ANO3: variants seen among roughly 807,000 people sequenced by gnomAD.
The protein encoded by ANO3 is anoctamin-3.
Under a neutral mutation model 144.8 loss-of-function variants are expected in ANO3, and 99 were observed. The observed-to-expected ratio is 0.68, with a 90% CI of 0.58 to 0.81. The LOEUF (loss-of-function observed/expected upper bound fraction) is 0.81. ANO3 is among the 30% of genes least tolerant of loss of function. ANO3 has a pLI of 0.00. For synonymous variants in ANO3, 414 were observed against 392.6 expected, an observed-to-expected ratio of 1.05 and a Z score of -0.64; for missense variants, 905 against 1,202.2, an observed-to-expected ratio of 0.75 and a Z score of 3.66.
chr11:26,521,321 A>T (rs1483409275), intron 6 of ANO3, among the ~76,000 whole-genome samples: 2 of 152,200 alleles, frequency 1.3e-5, no homozygotes, highest in Non-Finnish European at 2.9e-5. Context: ...TTTTACTCAT[A>T]CAGAGCAGTT....
chr11:26,456,419 T>C (rs1859162768), intron 3 of ANO3, among the ~76,000 whole-genome samples: 1 of 152,000 alleles, frequency 6.6e-6, no homozygotes, highest in Admixed American at 6.5e-5. Flanking sequence ...GCGAAGGACA[T>C]GAACAGACAC....
At chr11:26,237,728 C>A (rs994087559) in intron 1 of ANO3, among the ~76,000 whole-genome samples, 10 of 151,866 alleles carry the variant, frequency 6.6e-5, no homozygotes, top group Admixed American at 1.3e-4. Context: ...TTTTTGTAAA[C>A]TAAAAATACT....
At chr11:26,338,594 C>T (rs1855258420) in intron 1 of ANO3, among the ~76,000 whole-genome samples, 1 of 152,298 alleles carries the variant, frequency 6.6e-6, no homozygotes, top group South Asian at 2.1e-4. Flanking sequence ...TATAATAAAT[C>T]TTGCTGCTGC....
chr11:26,381,789 CAG>C (rs1412060136), intron 1 of ANO3, among the ~76,000 whole-genome samples: 5 of 152,134 alleles, frequency 3.3e-5, no homozygotes, highest in African/African-American at 9.7e-5. Flanking sequence ...CTTTCCTAAT[CAG>C]GGGACTGTAG....
intron 4 of ANO3, among the ~76,000 whole-genome samples, chr11:26,504,928 C>T (rs968675780): frequency 8.9e-5 from 12 of 135,444 alleles, no homozygotes; most frequent in African/African-American, 1.9e-4. Flanking sequence ...AGGAGAATGG[C>T]GTGAACCCTG....
upstream of ANO3, among the ~76,000 whole-genome samples, chr11:26,308,932 C>T (rs1406377373): frequency 1.3e-5 from 2 of 152,042 alleles, no homozygotes; most frequent in Non-Finnish European, 2.9e-5. Flanking sequence ...ATTATTATTT[C>T]TATTTTGCAG....
At chr11:26,406,196 G>A (rs890901909) in intron 1 of ANO3, among the ~76,000 whole-genome samples, 1 of 151,874 alleles carries the variant, frequency 6.6e-6, no homozygotes, top group Non-Finnish European at 1.5e-5. Context: ...CATATTGTAT[G>A]TCTGGTATGG....
At chr11:26,462,397 A>G (rs1859434151) in intron 3 of ANO3, among the ~76,000 whole-genome samples, 1 of 151,866 alleles carries the variant, frequency 6.6e-6, no homozygotes, top group Non-Finnish European at 1.5e-5. Flanking sequence ...ATTTTACATT[A>G]ATTACAGCTT....
At chr11:26,479,514 G>A (rs543700990) in intron 4 of ANO3, among the ~76,000 whole-genome samples, 12 of 152,244 alleles carry the variant, frequency 7.9e-5, no homozygotes, top group African/African-American at 2.4e-4. Flanking sequence ...CGTGGGGGCA[G>A]GCAGAGAGTT....
At chr11:26,441,879 G>C (rs537160969) in intron 1 of ANO3, 39 bp from the exon 2 acceptor site, 1 of 1,526,618 alleles carries the variant, frequency 6.6e-7, no homozygotes, top group African/African-American at 1.4e-5. Context: ...TCTACTGATT[G>C]ATTTTTTATT....
chr11:26,620,720 T>C (rs1023219887), intron 17 of ANO3, among the ~76,000 whole-genome samples: 1 of 152,160 alleles, frequency 6.6e-6, no homozygotes, highest in Non-Finnish European at 1.5e-5. Context: ...AGAGCATACA[T>C]CCCTATACTT....
intron 1 of ANO3, among the ~76,000 whole-genome samples, chr11:26,345,428 C>T (rs1009115110): frequency 6.6e-6 from 1 of 152,152 alleles, no homozygotes; most frequent in African/African-American, 2.4e-5. Context: ...TGGCATGTGC[C>T]TGTAGTCCCA....
intron 14 of ANO3, chr11:26,560,654 T>G (rs968058635): frequency 6.5e-6 from 1 of 153,694 alleles, no homozygotes; most frequent in Non-Finnish European, 1.5e-5. Context: ...TTTAAGAAAA[T>G]GCAATCTTGA....
intron 13 of ANO3, among the ~76,000 whole-genome samples, chr11:26,554,519 A>G (rs1461098435): frequency 2.0e-5 from 3 of 152,126 alleles, no homozygotes; most frequent in South Asian, 2.1e-4. Flanking sequence ...AACTTTTCCC[A>G]TGTGTTTATA....
At chr11:26,654,816 T>C (rs1853635573) in intron 24 of ANO3, among the ~76,000 whole-genome samples, 1 of 151,658 alleles carries the variant, frequency 6.6e-6, no homozygotes, top group African/African-American at 2.4e-5. Flanking sequence ...TCCAGTTGAA[T>C]TTTATAAAAC....
chr11:26,620,725 A>G (rs1852390346), intron 17 of ANO3, among the ~76,000 whole-genome samples: 1 of 152,120 alleles, frequency 6.6e-6, no homozygotes, highest in Non-Finnish European at 1.5e-5. Flanking sequence ...ATACATCCCT[A>G]TACTTCTTTC....
At chr11:26,395,146 G>A (rs11827226) in intron 1 of ANO3, among the ~76,000 whole-genome samples, 21,847 of 152,006 alleles carry the variant, frequency 0.14, 1,696 homozygotes, top group South Asian at 0.27. Flanking sequence ...ATCTGTTTTC[G>A]TACCAGTACC....
chr11:26,398,272 T>C (rs370705287), intron 1 of ANO3, among the ~76,000 whole-genome samples: 15 of 152,104 alleles, frequency 9.9e-5, no homozygotes, highest in African/African-American at 3.6e-4. Flanking sequence ...CAACCTATAG[T>C]GAGTTTTTGC....
chr11:26,201,992 G>C (rs1309090639), intron 1 of ANO3, among the ~76,000 whole-genome samples: 3 of 150,784 alleles, frequency 2.0e-5, no homozygotes, highest in Non-Finnish European at 4.4e-5. Flanking sequence ...TACGATATCT[G>C]TTACTTATTT....
Sources: gnomAD v4.1 joint callset for allele counts (sites outside exome capture counted in the v4.1 genomes callset) on GRCh38, gnomAD v4.1.1 for gene constraint, MANE v1.5 for transcripts, NCBI Gene and HGNC (gene_info 2026-07-23, HGNC 2026-07-21) for gene names.